PHLDB2: variants seen among roughly 807,000 people sequenced by gnomAD.
The protein encoded by PHLDB2 is pleckstrin homology like domain family B member 2.
PHLDB2 carries 71 observed loss-of-function variants against 123.6 expected under a neutral mutation model. The observed-to-expected ratio is 0.57, with a 90% CI of 0.47 to 0.70. PHLDB2 has a LOEUF of 0.70. Ranked by LOEUF, PHLDB2 falls within the 30% of genes least tolerant of loss-of-function variation. The probability of loss-of-function intolerance (pLI) is 0.00; values close to 1 mark genes in which losing one functional copy is unlikely to be tolerated. For synonymous variants in PHLDB2, 547 were observed against 541.6 expected (o/e 1.01, Z -0.14); for missense variants, 1,446 against 1,519.5 (o/e 0.95, Z 0.80).
At chr3:111,821,182 AAT>A (rs2062360402) in intron 1 of PHLDB2, among the ~76,000 whole-genome samples, 1 of 152,230 alleles carries the variant, frequency 6.6e-6, no homozygotes, top group South Asian at 2.1e-4. Context: ...AACCCAAAGA[AAT>A]ATATGTCCCA....
At chr3:111,888,527 A>G (rs1310457896) in intron 2 of PHLDB2, among the ~76,000 whole-genome samples, 1 of 152,194 alleles carries the variant, frequency 6.6e-6, no homozygotes, top group Non-Finnish European at 1.5e-5. Flanking sequence ...AGAAAGCTCA[A>G]ATCATTCAAA....
intron 17 of PHLDB2, 67 bp from the exon 18 acceptor site, chr3:111,974,356 T>A: frequency 7.2e-7 from 1 of 1,387,176 alleles, no homozygotes; most frequent in Non-Finnish European, 9.6e-7. Flanking sequence ...TCATCACATG[T>A]CTGTGTTATT....
At chr3:111,798,838 G>T (rs1019739946) in intron 1 of PHLDB2, among the ~76,000 whole-genome samples, 1 of 152,010 alleles carries the variant, frequency 6.6e-6, no homozygotes, top group East Asian at 1.9e-4. Flanking sequence ...CTCATATGAG[G>T]GCCAGGAAGG....
chr3:111,857,460 AAAAAG>A (rs149829768), upstream of PHLDB2, among the ~76,000 whole-genome samples: 1 of 81,044 alleles, frequency 1.2e-5, no homozygotes, highest in African/African-American at 3.8e-5. Flanking sequence ...CAAAAAAAAA[AAAAAG>A]AAAAGAAAAG....
chr3:111,910,930 T>C (rs2067849527), intron 2 of PHLDB2, among the ~76,000 whole-genome samples: 1 of 152,220 alleles, frequency 6.6e-6, no homozygotes, highest in African/African-American at 2.4e-5. Flanking sequence ...GTGTCAGTGA[T>C]TCAAACTTGA....
rs745321676 is a variant in PHLDB2, at chr3:111,920,384, G to A, written c.1966G>A (p.Glu656Lys). ...ILDHLNRKIA[E>K]LEKNIVGEKT... ...GGATCATCTAAACCGGAAAATAGCTGAACTGGAAAAGAACATTGTTGGTGA... is the reference window on the plus strand; with the variant it reads ...GGATCATCTAAACCGGAAAATAGCTAAACTGGAAAAGAACATTGTTGGTGA... The change falls in exon 5 of 18, where the codon GAA (glutamate) becomes AAA (lysine). Residue 656 changes from glutamate (E) to lysine (K), a missense_variant. This residue lies in a region of PHLDB2 where 832 missense variants were observed against 831.9 expected (regional missense o/e 1.00). Coordinates refer to ENST00000431670, the MANE Select transcript of PHLDB2 (RefSeq NM_001134438.2). The A allele has an allele frequency of 1.9e-6, 3 of 1,613,794 alleles. No homozygotes were observed. The highest frequency in any genetic ancestry group is 2.5e-6 in the Non-Finnish European group (3 of 1,179,870).
Position 111,885,402 on chromosome 3 carries a change from T to G in PHLDB2, c.1325T>G (p.Met442Arg). 6.2e-7 allele frequency: 1 copy of G among 1,614,082 alleles called. No homozygotes were observed. Residue 442 changes from methionine to arginine, a missense_variant, in exon 2 of 18, where the codon ATG (methionine) becomes AGG (arginine). Coordinates refer to ENST00000431670, the MANE Select transcript of PHLDB2 (RefSeq NM_001134438.2). The stretch of plus-strand genomic sequence containing the variant: ...GAGGAAAGACTCAGGGAGCAGGAAA[T>G]GGAGCGATTGGTAATCTTCATCTCA... The part of the protein sequence containing the change: ...QREERLREQE[M>R]ERLERQRLET...
rs1559827048 is a variant in PHLDB2 at position 111,780,297 on chromosome 3, G to GAA, written c.-49+47594_-49+47595insAA. The stretch of plus-strand genomic sequence containing the variant: ...AAGAAGAAGAAGAAGAAGAAGAAGA[G>GAA]GAAGAGGAAGAGGAAGAGGAAGAGG... On this transcript the variant is annotated intron_variant, in intron 1 of 17. Transcript: ENST00000393923. 7.0e-4 allele frequency among the ~76,000 whole-genome samples: 5 copies of GAA among 7,174 alleles called. 2 individuals are homozygous for GAA. The highest frequency in any genetic ancestry group is 2.0e-3 in the African/African-American group (5 of 2,456). The allele number at this position is 7,174 out of a possible 152,430, so 4.7% of individuals were successfully genotyped here.
chr3:111,805,879 G>A (rs7620045), intron 1 of PHLDB2, among the ~76,000 whole-genome samples: 1 of 144,968 alleles, frequency 6.9e-6, no homozygotes, highest in Admixed American at 7.1e-5. Flanking sequence ...AAAAAGAAAA[G>A]ATACAAGAAG....
intron 2 of PHLDB2, among the ~76,000 whole-genome samples, chr3:111,898,983 C>A (rs1263341085): frequency 6.6e-6 from 1 of 152,226 alleles, no homozygotes; most frequent in East Asian, 1.9e-4. Flanking sequence ...ACCTCCTCTT[C>A]TGAACCAAAA....
rs139846568 is a variant in PHLDB2 at position 111,805,566 on chromosome 3, A to T, written c.-48-40255A>T. On this transcript the variant is annotated intron_variant, in intron 1 of 17. Coordinates refer to the PHLDB2 transcript ENST00000393923. Reference sequence around the variant, plus strand: ...ACAGAGCAACACTCCGTCTCAAAAAAAAAGAAAAAAAATTACTGGATAAAT... The same window carrying T: ...ACAGAGCAACACTCCGTCTCAAAAATAAAGAAAAAAAATTACTGGATAAAT... Among the ~76,000 whole-genome samples the T allele has an allele frequency of 1.3e-3, 193 of 150,056 alleles. 42 individuals carry two copies. In the East Asian group the frequency reaches 0.038, roughly 30 times the overall value.
At chr3:111,925,626 GT>G (rs1559906716) in intron 5 of PHLDB2, among the ~76,000 whole-genome samples, 1 of 152,002 alleles carries the variant, frequency 6.6e-6, no homozygotes, top group Non-Finnish European at 1.5e-5. Context: ...CTAGCAAACT[GT>G]TTTCATTTAA....
intron 7 of PHLDB2, 101 bp downstream of exon 7, chr3:111,939,731 C>T (rs1024662538): frequency 1.4e-5 from 17 of 1,215,758 alleles, no homozygotes; most frequent in African/African-American, 1.1e-4. Context: ...TGACAGATTA[C>T]GTAGTCTGCC....
At position 111,885,198 on chromosome 3, in the gene PHLDB2, A is replaced by G. The variant is rs372210288; in HGVS notation, c.1121A>G (p.Asp374Gly). Reference sequence around the variant, plus strand: ...CATTCACTTCTTGCTGGAGAGTCAGACAGAGTTTTTGCGACCAGGAGGAAC... The same window carrying G: ...CATTCACTTCTTGCTGGAGAGTCAGGCAGAGTTTTTGCGACCAGGAGGAAC... ...PSHSLLAGES[D>G]RVFATRRNFS... Residue 374 changes from aspartate (D) to glycine (G), a missense_variant, in exon 2 of 18, where the codon GAC becomes GGC. Transcript: ENST00000431670. 3.2e-5 allele frequency: 51 copies of G among 1,614,112 alleles called. No individual in the cohort carries two copies. The Admixed American group carries it at 5.0e-4, about 16-fold the overall frequency.
rs765263226 is a variant in PHLDB2, at chr3:111,884,823, T to A, written c.746T>A (p.Met249Lys). The A allele has an allele frequency of 3.1e-6, 5 of 1,613,966 alleles. No homozygotes were observed. The highest frequency in any genetic ancestry group is 4.2e-6 in the Non-Finnish European group (5 of 1,180,020). ...RKYSSSSLSH[M>K]GAYSRSLPRL... ...TACTCCAGCAGCAGCCTGAGTCACA[T>A]GGGAGCCTACAGCCGATCACTTCCC... The change falls in exon 2 of 18, where the codon ATG becomes AAG. Residue 249 changes from methionine to lysine, a missense_variant. This residue lies in a region of PHLDB2 where 832 missense variants were observed against 831.9 expected (regional missense o/e 1.00). Coordinates refer to ENST00000431670, the MANE Select transcript of PHLDB2 (RefSeq NM_001134438.2).
At chr3:111,932,538 A>G (rs2069202643) in intron 6 of PHLDB2, 141 bp downstream of exon 6, 1 of 821,640 alleles carries the variant, frequency 1.2e-6, no homozygotes, top group Non-Finnish European at 1.8e-6. Context: ...AAATGGAAAT[A>G]TGCATGCTAA....
At chr3:111,747,405 A>G (rs1434000483) in intron 1 of PHLDB2, among the ~76,000 whole-genome samples, 1 of 152,102 alleles carries the variant, frequency 6.6e-6, no homozygotes. Context: ...TGGTAAATAT[A>G]TTTATAAATA....
At chr3:111,741,853 A>AATG (rs2059610453) in intron 1 of PHLDB2, among the ~76,000 whole-genome samples, 1 of 152,158 alleles carries the variant, frequency 6.6e-6, no homozygotes, top group Non-Finnish European at 1.5e-5. Flanking sequence ...ATGTCTAAAC[A>AATG]AATCTCAGGC....
intron 1 of PHLDB2, among the ~76,000 whole-genome samples, chr3:111,813,621 A>G (rs2061943635): frequency 6.6e-6 from 1 of 152,218 alleles, no homozygotes; most frequent in African/African-American, 2.4e-5. Flanking sequence ...AAAATGACTA[A>G]AAGGAAAGGA....
Sources: gnomAD v4.1 joint callset for allele counts (sites outside exome capture counted in the v4.1 genomes callset) on GRCh38, gnomAD v4.1.1 for gene constraint, gnomAD v4.1.1 regional missense constraint, MANE v1.5 for transcripts, NCBI Gene and HGNC (gene_info 2026-07-23, HGNC 2026-07-21) for gene names.